Variants in RERE observed in about 807,000 individuals in gnomAD.
RERE encodes arginine-glutamic acid dipeptide repeats.
In RERE, 40 loss-of-function variants were observed where a neutral mutation model predicts 146.1. That is an observed-to-expected ratio of 0.27 (90% CI 0.21 to 0.36). The LOEUF is 0.36. RERE is among the 10% of genes least tolerant of loss of function. The pLI is 1.00. For synonymous variants in RERE, 1,003 were observed against 866.0 expected (o/e 1.16, Z -2.78); for missense variants, 1,933 against 2,138.7 (o/e 0.90, Z 1.90).
At chr1:8,768,825 T>G (rs1461705628) in intron 1 of RERE, among the ~76,000 whole-genome samples, 1 of 152,094 alleles carries the variant, frequency 6.6e-6, no homozygotes, top group Non-Finnish European at 1.5e-5. Context: ...AATGTGGGTG[T>G]GGACTAGGAG....
chr1:8,407,402 C>T (rs1317565251), intron 12 of RERE, among the ~76,000 whole-genome samples: 2 of 152,178 alleles, frequency 1.3e-5, no homozygotes, highest in Non-Finnish European at 2.9e-5. Flanking sequence ...ACAAAGGAAG[C>T]ACATACATTT....
chr1:8,638,175 CT>C (rs2124273970), intron 2 of RERE, among the ~76,000 whole-genome samples: 1 of 152,240 alleles, frequency 6.6e-6, no homozygotes, highest in Non-Finnish European at 1.5e-5. Context: ...AATATGTGTA[CT>C]TTTTTGTTGA....
At chr1:8,785,457 G>A (rs1641242873) in intron 1 of RERE, among the ~76,000 whole-genome samples, 2 of 152,190 alleles carry the variant, frequency 1.3e-5, no homozygotes, top group East Asian at 1.9e-4. Context: ...CACATCTGCT[G>A]TTCCATCTTT....
chr1:8,596,521 A>T (rs1303963789), intron 4 of RERE, among the ~76,000 whole-genome samples: 1 of 152,058 alleles, frequency 6.6e-6, no homozygotes, highest in Non-Finnish European at 1.5e-5. Flanking sequence ...CTCTCTTTTA[A>T]TTTAACTAAG....
At chr1:8,686,571 G>A (rs939076787) in intron 1 of RERE, among the ~76,000 whole-genome samples, 2 of 152,174 alleles carry the variant, frequency 1.3e-5, no homozygotes, top group Non-Finnish European at 2.9e-5. Context: ...CCAACATGGT[G>A]AAACCCCATC....
chr1:8,358,288 C>A lies in RERE; in HGVS notation c.4247G>T (p.Arg1416Leu). Residue 1416 changes from arginine to leucine, a missense_variant, in exon 20 of 23, where the codon CGA (arginine) becomes CTA (leucine). Arg to Leu is a moderately radical substitution (Grantham distance 102). Transcript: ENST00000400908. ...CGGAGTCACGTTGAACATCTGCAGTCGGGCCAGGGGATCGCTGGTCAGCGA... is the reference window on the plus strand; with the variant it reads ...CGGAGTCACGTTGAACATCTGCAGTAGGGCCAGGGGATCGCTGGTCAGCGA... ...MASLTSDPLA[R>L]LQMFNVTPHH... 6.2e-7 allele frequency: 1 copy of A among 1,613,602 alleles called. No individual in the cohort carries two copies. The highest frequency in any genetic ancestry group is 1.7e-5 in the Admixed American group (1 of 60,010).
In RERE at chr1:8,423,532, G is replaced by C. The variant is rs1377352750; in HGVS notation, c.1204-725C>G. On this transcript the variant is annotated intron_variant, in intron 11 of 22. Transcript: ENST00000400908. The surrounding 1 kb of genome is among the most constrained non-coding windows in gnomAD (Gnocchi z 5.4). Reference sequence around the variant, plus strand: ...CCCGAGCACCCCTCCCCGCCCCGGTGGGGGCAGCTCCTGGCTCCGAGCCCC... The same window carrying C: ...CCCGAGCACCCCTCCCCGCCCCGGTCGGGGCAGCTCCTGGCTCCGAGCCCC... The C allele has an allele frequency of 1.0e-6, 1 of 984,278 alleles. No individual in the cohort carries two copies. Among genetic ancestry groups the C allele is most frequent in the East Asian group, 1.1e-4 (1 of 8,776 alleles). The allele number at this position is 984,278 out of a possible 1,614,324, so 61.0% of individuals were successfully genotyped here.
Position 8,356,934 on chromosome 1 carries a change from G to A in RERE, c.4340-688C>T, listed in dbSNP as rs938386075. ...GATTGGGAGCCCCCGCTCTGCCTCT[G>A]TGGCTGCTCTTGCCCCGATTTCCCA... On this transcript the variant is annotated intron_variant, in intron 20 of 22. Transcript: ENST00000400908. The surrounding 1 kb of genome is among the most constrained non-coding windows in gnomAD (Gnocchi z 5.2). 6.6e-6 allele frequency among the ~76,000 whole-genome samples: 1 copy of A among 152,160 alleles called. No homozygotes were observed. The highest frequency in any genetic ancestry group is 2.4e-5 in the African/African-American group (1 of 41,434).
chr1:8,503,447 A>G (rs143202216), intron 8 of RERE, among the ~76,000 whole-genome samples: 1 of 152,244 alleles, frequency 6.6e-6, no homozygotes. Context: ...GCAGCATTAC[A>G]TGTAATGGCA....
chr1:8,551,498 G>A (rs572011539), intron 6 of RERE, among the ~76,000 whole-genome samples: 11 of 152,120 alleles, frequency 7.2e-5, no homozygotes, highest in East Asian at 3.9e-4. Context: ...TCCCTCCTCC[G>A]CCAACAGGCC....
chr1:8,663,175 A>G (rs1160544480), intron 1 of RERE, among the ~76,000 whole-genome samples: 1 of 152,146 alleles, frequency 6.6e-6, no homozygotes, highest in African/African-American at 2.4e-5. Flanking sequence ...GAAAAAAATT[A>G]AAAATATTTC....
intron 1 of RERE, among the ~76,000 whole-genome samples, chr1:8,714,771 A>G (rs2124464373): frequency 6.6e-6 from 1 of 152,304 alleles, no homozygotes; most frequent in East Asian, 1.9e-4. Flanking sequence ...TGGAAAATTT[A>G]AGGGTGATTT....
chr1:8,355,693 G>C, intron 21 of RERE, 94 bp from the exon 22 acceptor site: 1 of 1,120,788 alleles, frequency 8.9e-7, no homozygotes, highest in Non-Finnish European at 1.2e-6. Flanking sequence ...AAGAGCACAG[G>C]AGAGGTGCCA....
chr1:8,719,501 TA>T (rs1422827322), intron 1 of RERE, among the ~76,000 whole-genome samples: 1 of 152,136 alleles, frequency 6.6e-6, no homozygotes, highest in Non-Finnish European at 1.5e-5. Context: ...CACCCTACTA[TA>T]AATTTACTAA....
At chr1:8,466,103 T>C (rs1644593296) in intron 10 of RERE, 80 bp from the exon 11 acceptor site, 2 of 1,149,788 alleles carry the variant, frequency 1.7e-6, no homozygotes, top group Non-Finnish European at 1.2e-6. Flanking sequence ...AGCTCCTCAT[T>C]GACTATCTCC....
chr1:8,788,122 A>G (rs996625880), intron 1 of RERE, among the ~76,000 whole-genome samples: 13 of 152,074 alleles, frequency 8.5e-5, no homozygotes, highest in African/African-American at 3.1e-4. Flanking sequence ...ATTAAAAAGA[A>G]GTGCTGTATG....
At chr1:8,641,754 T>C (rs1647181750) in intron 2 of RERE, among the ~76,000 whole-genome samples, 1 of 152,144 alleles carries the variant, frequency 6.6e-6, no homozygotes, top group Non-Finnish European at 1.5e-5. Flanking sequence ...GGCAGTAACA[T>C]CTCTGAAAAT....
At chr1:8,618,608 T>C (rs1646883287) in intron 3 of RERE, among the ~76,000 whole-genome samples, 1 of 152,186 alleles carries the variant, frequency 6.6e-6, no homozygotes, top group African/African-American at 2.4e-5. Flanking sequence ...CTGTGCTAAG[T>C]GGTAACAGCC....
chr1:8,447,713 G>A (rs11581328), intron 11 of RERE, among the ~76,000 whole-genome samples: 24,456 of 152,194 alleles, frequency 0.16, 2,429 homozygotes, highest in Middle Eastern at 0.33. Flanking sequence ...CTGAGGTTTC[G>A]TTTCAGCTCC....
Sources: gnomAD v4.1 joint callset for allele counts (sites outside exome capture counted in the v4.1 genomes callset) on GRCh38, gnomAD v4.1.1 for gene constraint, Gnocchi (gnomAD v3.1) non-coding constraint, MANE v1.5 for transcripts, NCBI Gene and HGNC (gene_info 2026-07-23, HGNC 2026-07-21) for gene names.